The following ANKRD27 variants were observed in gnomAD, a reference collection of about 807,000 sequenced individuals.
ANKRD27 encodes the protein ankyrin repeat domain-containing protein 27.
In ANKRD27, 112 loss-of-function variants were observed where a neutral mutation model predicts 129.7. The ratio of observed to expected loss-of-function variants is 0.86; its 90% CI spans 0.74 to 1.01. The LOEUF (loss-of-function observed/expected upper bound fraction) is 1.01. Ranked by LOEUF, ANKRD27 falls within the 50% of genes least tolerant of loss-of-function variation. The pLI, the probability that ANKRD27 is intolerant of heterozygous loss-of-function variation, is 0.00. For missense variants in ANKRD27, 1,258 were observed against 1,300.5 expected (o/e 0.97, Z 0.50); for synonymous variants, 516 against 511.2 (o/e 1.01, Z -0.13).
Position 32,643,027 on chromosome 19 carries a change from C to G in ANKRD27, c.782+96G>C, listed in dbSNP as rs796640250. The G allele has an allele frequency of 2.7e-5, 32 of 1,189,090 alleles. 1 individual carries two copies. In the African/African-American group the frequency reaches 5.0e-4, roughly 19 times the overall value. 73.7% of individuals were successfully genotyped at this position (1,189,090 alleles called of 1,614,324 possible). A position where few individuals can be genotyped will look rare whatever the true frequency, so the allele number is the denominator to read the frequency against. On this transcript the variant is annotated intron_variant, in intron 9 of 28. Transcript: ENST00000306065. ...CTCCTCAGAACTAACCACATCAAAC[C>G]AGCGTGTCACCTCTGCCACCGAGAG...
chr19:32,628,885 G>A (rs750839637), intron 13 of ANKRD27, 36 bp from the exon 14 acceptor site: 15 of 1,610,634 alleles, frequency 9.3e-6, no homozygotes, highest in East Asian at 4.5e-5. Context: ...TCCACATGCT[G>A]GAATTACTCA....
intron 13 of ANKRD27, among the ~76,000 whole-genome samples, chr19:32,629,844 C>CTTTTTT (rs548494616): frequency 1.9e-5 from 2 of 105,598 alleles, no homozygotes; most frequent in Non-Finnish European, 3.9e-5. Flanking sequence ...CTCTTGTGTT[C>CTTTTTT]TTTTTTTTTT....
At chr19:32,658,627 C>G (rs1967588438) in intron 2 of ANKRD27, among the ~76,000 whole-genome samples, 2 of 152,190 alleles carry the variant, frequency 1.3e-5, no homozygotes, top group Non-Finnish European at 2.9e-5. Flanking sequence ...GAGAGCACCG[C>G]AGCGTGAGAC....
chr19:32,627,008 T>C (rs891742475), intron 15 of ANKRD27, among the ~76,000 whole-genome samples, 181 bp from the exon 16 acceptor site: 1 of 152,102 alleles, frequency 6.6e-6, no homozygotes, highest in Non-Finnish European at 1.5e-5. Flanking sequence ...ACTCCAGACA[T>C]GTTGGGGTGG....
At chr19:32,636,521 T>C (rs1440794130) in intron 12 of ANKRD27, 1 of 149,868 alleles carries the variant, frequency 6.7e-6, no homozygotes, top group Non-Finnish European at 1.5e-5. Flanking sequence ...AAAAAAAAGA[T>C]ACAATTGTGT....
At chr19:32,670,127 G>A (rs1424025108) in intron 1 of ANKRD27, among the ~76,000 whole-genome samples, 1 of 152,142 alleles carries the variant, frequency 6.6e-6, no homozygotes, top group Admixed American at 6.6e-5. Context: ...GTCACTGAGT[G>A]CCACATCAAA....
At position 32,628,622 on chromosome 19, in the gene ANKRD27, GA is replaced by G. The variant is rs144373569; in HGVS notation, c.1337+99del. 7,136 of 1,470,860 alleles carry G rather than the reference GA, an allele frequency of 4.9e-3. 251 individuals are homozygous for G. In the African/African-American group the frequency reaches 0.085, roughly 17 times the overall value. The allele number at this position is 1,470,860 out of a possible 1,614,324, so 91.1% of individuals were successfully genotyped here. ...GCAGAGGCAGCTGGGGGGCAGGGAG[GA>G]CAGTCCTTATCTGCAGTCACACAGC... On this transcript the variant is annotated intron_variant, in intron 14 of 28. Transcript: ENST00000306065.
intron 2 of ANKRD27, chr19:32,655,196 T>C (rs1372135751): frequency 6.6e-6 from 1 of 152,316 alleles, no homozygotes; most frequent in Non-Finnish European, 1.5e-5. Flanking sequence ...AAACTTAGTG[T>C]GGAGATGCAA....
rs772876811 is a variant in ANKRD27 at position 32,659,057 on chromosome 19, G to A, written c.-30-12C>T. ...TCAGAGCAAATCTCCTGCAATAAGG[G>A]AGGGAAAAGCAGTGAATAGCCATTT... is the stretch of plus-strand genomic sequence containing the variant. On this transcript the variant is annotated splice_polypyrimidine_tract_variant and intron_variant, in intron 1 of 28. Transcript: ENST00000306065. 1.4e-6 allele frequency: 2 copies of A among 1,461,152 alleles called. No homozygotes were observed. The highest frequency in any genetic ancestry group is 2.3e-5 in the East Asian group (1 of 44,050). The allele number at this position is 1,461,152 out of a possible 1,614,324, so 90.5% of individuals were successfully genotyped here.
In ANKRD27 at chr19:32,599,933, G is replaced by C. The variant is rs79952649; in HGVS notation, c.2846+39C>G. 2.1e-4 allele frequency: 338 copies of C among 1,573,490 alleles called. 1 individual carries two copies. In the African/African-American group the frequency reaches 4.2e-3, roughly 20 times the overall value. Reference sequence around the variant, plus strand: ...TTACGTGCAGCTTGGAGTAAACTAGGGGCAAAAGCACAGAAATCAACTTGA... The same window carrying C: ...TTACGTGCAGCTTGGAGTAAACTAGCGGCAAAAGCACAGAAATCAACTTGA... On this transcript the variant is annotated intron_variant, in intron 27 of 28. Transcript: ENST00000306065.
intron 24 of ANKRD27, among the ~76,000 whole-genome samples, 157 bp from the exon 25 acceptor site, chr19:32,604,581 A>C (rs142860239): frequency 7.6e-4 from 116 of 152,314 alleles, no homozygotes; most frequent in African/African-American, 2.5e-3. Flanking sequence ...TGAGAAAAAA[A>C]GATTTATAGA....
chr19:32,640,516 A>G (rs1030111689), intron 10 of ANKRD27, 131 bp from the exon 11 acceptor site: 7 of 740,260 alleles, frequency 9.5e-6, no homozygotes, highest in Non-Finnish European at 1.7e-5. Context: ...GAGAAATGTC[A>G]TTGCACAAGC....
Position 32,598,184 on chromosome 19 carries a change from G to A in ANKRD27, c.3114C>T (p.Pro1038=). 1 of 1,614,090 alleles carries A rather than the reference G, an allele frequency of 6.2e-7. No individual in the cohort carries two copies. Among genetic ancestry groups the A allele is most frequent in the Non-Finnish European group, 8.5e-7 (1 of 1,180,014 alleles). Residue 1038 remains proline, a synonymous_variant, in exon 29 of 29, where the codon CCC becomes CCT. Coordinates refer to ENST00000306065, the MANE Select transcript of ANKRD27 (RefSeq NM_032139.3). ...CACTAACCTCTTGGGGAGTGGAGAG[G>A]GGGCCAGCAGCCTCCGGGCCCTGGG... ...VVSQGPEAAG[P]LSTPQEVSAS... is the part of the protein sequence containing the mutation.
Position 32,622,559 on chromosome 19 carries a change from T to C in ANKRD27, c.1690A>G (p.Lys564Glu), listed in dbSNP as rs1302381134. The change falls in exon 18 of 29, where the codon AAA (lysine) becomes GAA (glutamate). Residue 564 changes from lysine to glutamate, a missense_variant. Lys to Glu is a moderately conservative substitution (Grantham distance 56). Coordinates refer to ENST00000306065, the MANE Select transcript of ANKRD27 (RefSeq NM_032139.3). ...ESCRLDIGNEKGDTPLHIAAR... is the reference protein window; with the variant it reads ...ESCRLDIGNEEGDTPLHIAAR... ...GCAATGTGTAGAGGGGTGTCTCCTT[T>C]CTCATTGCCAATGTCAAGTCTGCAC... is the stretch of plus-strand genomic sequence containing the variant. 3 of 1,614,012 alleles carry C rather than the reference T, an allele frequency of 1.9e-6. No individual in the cohort carries two copies. The highest frequency in any genetic ancestry group is 2.7e-5 in the African/African-American group (2 of 74,988).
chr19:32,668,519 C>T (rs1259465184), intron 1 of ANKRD27, among the ~76,000 whole-genome samples: 1 of 149,716 alleles, frequency 6.7e-6, no homozygotes, highest in Admixed American at 6.7e-5. Flanking sequence ...ATCACTCACA[C>T]TGGAGTACAC....
chr19:32,631,554 A>C (rs1599752802), intron 12 of ANKRD27, 60 bp from the exon 13 acceptor site: 1 of 1,373,884 alleles, frequency 7.3e-7, no homozygotes, highest in East Asian at 2.3e-5. Flanking sequence ...AAAACCCAGC[A>C]CCTCAGCAAC....
At position 32,646,546 on chromosome 19, in the gene ANKRD27, G is replaced by T. The variant is rs754730995; in HGVS notation, c.283C>A (p.Leu95Ile). ...TCATTGTAGAAAGTTTCTTCAAAGA[G>T]AATGGGCACTGAGAGAAGACAGGCA... ...GFACLLSVPILFEETFYNEKE... is the reference protein window; with the variant it reads ...GFACLLSVPIIFEETFYNEKE... The change falls in exon 4 of 29, where the codon CTC becomes ATC. Residue 95 changes from leucine (L) to isoleucine (I), a missense_variant. Physicochemically the swap from Leu to Ile is conservative, Grantham distance 5. Transcript: ENST00000306065. 2 of 1,614,120 alleles carry T rather than the reference G, an allele frequency of 1.2e-6. No homozygotes were observed. The highest frequency in any genetic ancestry group is 3.3e-5 in the Admixed American group (2 of 60,008).
Position 32,629,367 on chromosome 19 carries a change from C to A in ANKRD27, c.1210-518G>T, listed in dbSNP as rs2145285785. Among the ~76,000 whole-genome samples the A allele has an allele frequency of 1.3e-5, 2 of 152,240 alleles. 1 individual carries two copies. Among genetic ancestry groups the A allele is most frequent in the Middle Eastern group, 6.8e-3 (2 of 294 alleles). ...CAATGGTGGCCGGCTCATTCTACTA[C>A]TCTATTTCTGGAAATGTTAAAAGTT... On this transcript the variant is annotated intron_variant, in intron 13 of 28. Transcript: ENST00000306065.
chr19:32,672,676 C>G (rs1599782520), intron 1 of ANKRD27: 1 of 152,370 alleles, frequency 6.6e-6, no homozygotes, highest in Non-Finnish European at 1.5e-5. Context: ...AGGACTGGAA[C>G]CAGGGCGGGA....
Sources: gnomAD v4.1 joint callset for allele counts (sites outside exome capture counted in the v4.1 genomes callset) on GRCh38, gnomAD v4.1.1 for gene constraint, MANE v1.5 for transcripts, NCBI Gene and HGNC (gene_info 2026-07-23, HGNC 2026-07-21) for gene names.